TET3: variants seen among roughly 807,000 people sequenced by gnomAD.
TET3 encodes the protein methylcytosine dioxygenase TET3.
Under a neutral mutation model 141.4 loss-of-function variants are expected in TET3, and 19 were observed. The observed-to-expected ratio is 0.13, with a 90% CI of 0.09 to 0.20. The LOEUF (loss-of-function observed/expected upper bound fraction) is 0.20. Among genes scored for constraint, TET3 ranks in the 10% least tolerant of loss-of-function variants. TET3 has a pLI of 1.00. For synonymous variants in TET3, 1,043 were observed against 980.9 expected, an observed-to-expected ratio of 1.06 and a Z score of -1.18; for missense variants, 1,874 against 2,356.9, an observed-to-expected ratio of 0.80 and a Z score of 4.24.
At chr2:74,031,102 A>G in intron 3 of TET3, among the ~76,000 whole-genome samples, 1 of 152,146 alleles carries the variant, frequency 6.6e-6, no homozygotes, top group Middle Eastern at 3.4e-3. Flanking sequence ...AGGAAAAAGG[A>G]AACTTTGGGG....
At chr2:74,111,496 T>C (rs1691703858), downstream of TET3, among the ~76,000 whole-genome samples, 1 of 152,240 alleles carries the variant, frequency 6.6e-6, no homozygotes, top group Admixed American at 6.5e-5. Flanking sequence ...GCTACTTTTA[T>C]TAGCAACCCA....
At chr2:74,009,784 A>G (rs1481886732) in intron 3 of TET3, among the ~76,000 whole-genome samples, 1 of 152,224 alleles carries the variant, frequency 6.6e-6, no homozygotes, top group Non-Finnish European at 1.5e-5. Context: ...TCAATCATCC[A>G]GGGAATGTGT....
At chr2:74,099,189 G>A (rs1301778854) in intron 10 of TET3, 87 bp from the exon 11 acceptor site, 3 of 1,191,034 alleles carry the variant, frequency 2.5e-6, no homozygotes, top group South Asian at 3.0e-5. Context: ...GGAAAGATGA[G>A]GTCATGTGTT....
chr2:73,998,704 A>ATG (rs999179701), intron 2 of TET3, among the ~76,000 whole-genome samples: 2 of 152,112 alleles, frequency 1.3e-5, no homozygotes, highest in African/African-American at 4.8e-5. Flanking sequence ...ATAGGGGATG[A>ATG]TGTGTGTGTG....
the TET3 span, chr2:74,122,511 A>ATATATATTTTT: frequency 2.1e-5 from 1 of 47,554 alleles, no homozygotes. Context: ...ATATATATAT[A>ATATATATTTTT]TTTTTTTTTT....
At chr2:74,092,540 T>G (rs1011481915) in intron 8 of TET3, among the ~76,000 whole-genome samples, 1 of 152,176 alleles carries the variant, frequency 6.6e-6, no homozygotes, top group Non-Finnish European at 1.5e-5. Flanking sequence ...GTTGTTGCTC[T>G]TGGCTTTTTC....
intron 4 of TET3, among the ~76,000 whole-genome samples, chr2:74,048,733 A>G (rs1687783482): frequency 6.6e-6 from 1 of 152,200 alleles, no homozygotes; most frequent in African/African-American, 2.4e-5. Flanking sequence ...GAAAGGACAC[A>G]TTCTAGAAGA....
At chr2:74,043,287 G>T (rs901046364) in intron 3 of TET3, among the ~76,000 whole-genome samples, 3 of 152,222 alleles carry the variant, frequency 2.0e-5, no homozygotes, top group Non-Finnish European at 4.4e-5. Flanking sequence ...CTTCGGAAAA[G>T]TAGTCTCCCA....
At chr2:74,110,043 G>GTGAA (rs1691666279), downstream of TET3, among the ~76,000 whole-genome samples, 2 of 152,140 alleles carry the variant, frequency 1.3e-5, no homozygotes, top group South Asian at 4.1e-4. Context: ...TGCTACAGAA[G>GTGAA]TGAAAGTGCC....
intron 3 of TET3, among the ~76,000 whole-genome samples, chr2:74,025,486 A>C (rs945153649): frequency 6.6e-6 from 1 of 151,508 alleles, no homozygotes; most frequent in East Asian, 2.0e-4. Flanking sequence ...ACGGGGTTTC[A>C]CCTTGTTAGC....
intron 3 of TET3, among the ~76,000 whole-genome samples, chr2:74,037,300 C>T (rs754626774): frequency 2.0e-5 from 3 of 152,214 alleles, no homozygotes; most frequent in Non-Finnish European, 4.4e-5. Flanking sequence ...ATTGATCAAC[C>T]CTAGACAGAA....
At chr2:73,997,218 A>G in intron 2 of TET3, among the ~76,000 whole-genome samples, 1 of 152,258 alleles carries the variant, frequency 6.6e-6, no homozygotes, top group East Asian at 1.9e-4. Flanking sequence ...AAGTCTCAGG[A>G]AATGAGTACG....
chr2:74,011,905 A>C lies in TET3; in HGVS notation c.360+8739A>C, dbSNP rs944495221. On this transcript the variant is annotated intron_variant, in intron 3 of 11. Transcript: ENST00000409262. ...AGGAAAAAAAAAAAAGAAAGGGAGC[A>C]AAAGAGAGGAATTTGTCCATAATTT... Among the ~76,000 whole-genome samples the C allele has an allele frequency of 2.0e-5, 3 of 151,742 alleles. No homozygotes were observed. The East Asian group carries it at 5.8e-4, about 29-fold the overall frequency.
intron 3 of TET3, among the ~76,000 whole-genome samples, chr2:74,026,153 C>T (rs770722006): frequency 6.6e-6 from 1 of 151,920 alleles, no homozygotes; most frequent in Non-Finnish European, 1.5e-5. Context: ...CCCACCCTAC[C>T]CCACCCATTC....
chr2:74,025,874 TAGG>T (rs1253440448), intron 3 of TET3, among the ~76,000 whole-genome samples: 1 of 151,940 alleles, frequency 6.6e-6, no homozygotes, highest in East Asian at 1.9e-4. Context: ...GAGGCCAAGG[TAGG>T]AGGATCACCT....
chr2:74,129,767 G>A, the TET3 span, among the ~76,000 whole-genome samples: 2 of 152,056 alleles, frequency 1.3e-5, no homozygotes, highest in African/African-American at 4.8e-5. Flanking sequence ...GGAGTCTGTT[G>A]TTACACTCAC....
At chr2:74,123,546 C>A in the TET3 span, among the ~76,000 whole-genome samples, 3 of 152,202 alleles carry the variant, frequency 2.0e-5, no homozygotes, top group African/African-American at 7.2e-5. Flanking sequence ...ATTCGGTAAC[C>A]CCAGAGAGGA....
At chr2:74,097,799 G>A (rs1326413353) in intron 10 of TET3, among the ~76,000 whole-genome samples, 1 of 152,178 alleles carries the variant, frequency 6.6e-6, no homozygotes, top group Non-Finnish European at 1.5e-5. Flanking sequence ...GTTTGATAAA[G>A]GAGATGGCGA....
rs1234559806 is a variant in TET3, at chr2:74,087,357, G to A, written c.2680-473G>A. Among the ~76,000 whole-genome samples the A allele has an allele frequency of 1.3e-5, 2 of 152,102 alleles. No individual in the cohort carries two copies. Among genetic ancestry groups the A allele is most frequent in the Non-Finnish European group, 2.9e-5 (2 of 68,022 alleles). Reference sequence around the variant, plus strand: ...TAGGCATGGAATTGCTGGATCATATGGTAATCCTATGTTTAGCTTTTGGAG... The same window carrying A: ...TAGGCATGGAATTGCTGGATCATATAGTAATCCTATGTTTAGCTTTTGGAG... On this transcript the variant is annotated intron_variant, in intron 6 of 11. Coordinates refer to ENST00000409262, the MANE Select transcript of TET3 (RefSeq NM_001287491.2). This position sits in a 1 kb window ranked among gnomAD's most constrained non-coding sequence, Gnocchi z 4.3.
Sources: gnomAD v4.1 joint callset for allele counts (sites outside exome capture counted in the v4.1 genomes callset) on GRCh38, gnomAD v4.1.1 for gene constraint, Gnocchi (gnomAD v3.1) non-coding constraint, MANE v1.5 for transcripts, NCBI Gene and HGNC (gene_info 2026-07-23, HGNC 2026-07-21) for gene names.